GRID2: variants seen among roughly 807,000 people sequenced by gnomAD.
The protein encoded by GRID2 is glutamate receptor ionotropic, delta-2.
GRID2 carries 33 observed loss-of-function variants against 114.8 expected under a neutral mutation model. That is an observed-to-expected ratio of 0.29 (90% CI 0.22 to 0.38). The LOEUF is 0.38. Ranked by LOEUF, GRID2 falls within the 10% of genes least tolerant of loss-of-function variation. The pLI is 1.00. For missense variants in GRID2, 1,184 were observed against 1,257.7 expected (o/e 0.94, Z 0.89); for synonymous variants, 505 against 449.9 (o/e 1.12, Z -1.55).
At chr4:92,475,191 T>TA (rs1722244088) in intron 1 of GRID2, among the ~76,000 whole-genome samples, 2 of 149,692 alleles carry the variant, frequency 1.3e-5, no homozygotes, top group African/African-American at 5.0e-5. Flanking sequence ...CATTTGCCTT[T>TA]TAAAAAAAAA....
At chr4:92,605,940 C>A (rs903967436) in intron 2 of GRID2, among the ~76,000 whole-genome samples, 2 of 146,856 alleles carry the variant, frequency 1.4e-5, no homozygotes, top group Admixed American at 1.4e-4. Context: ...TTTTACTGGA[C>A]CCTTTTTAGA....
At chr4:92,525,112 G>A (rs1724982791) in intron 1 of GRID2, among the ~76,000 whole-genome samples, 1 of 151,970 alleles carries the variant, frequency 6.6e-6, no homozygotes, top group Non-Finnish European at 1.5e-5. Context: ...GTTGCAGAGA[G>A]TGGCTGTGAG....
chr4:92,689,030 C>G (rs956872762), intron 2 of GRID2, among the ~76,000 whole-genome samples: 2 of 152,112 alleles, frequency 1.3e-5, no homozygotes, highest in Non-Finnish European at 2.9e-5. Flanking sequence ...TATAAGAGTT[C>G]TAGGGTGATC....
chr4:93,262,868 A>G (rs915364944), intron 8 of GRID2, among the ~76,000 whole-genome samples: 1 of 151,934 alleles, frequency 6.6e-6, no homozygotes, highest in Non-Finnish European at 1.5e-5. Context: ...GTAGCATTCT[A>G]AAGTATTTAA....
intron 14 of GRID2, among the ~76,000 whole-genome samples, chr4:93,673,293 G>A (rs530347606): frequency 6.6e-6 from 1 of 152,018 alleles, no homozygotes; most frequent in African/African-American, 2.4e-5. Flanking sequence ...TAAAGAAAGT[G>A]GAAAAATCTA....
chr4:92,802,276 A>T (rs1421755693), intron 2 of GRID2, among the ~76,000 whole-genome samples: 1 of 151,898 alleles, frequency 6.6e-6, no homozygotes, highest in Non-Finnish European at 1.5e-5. Context: ...GTTAAAATTG[A>T]TGTACTTACA....
At chr4:93,257,778 C>T (rs1000048429) in intron 8 of GRID2, among the ~76,000 whole-genome samples, 1 of 151,046 alleles carries the variant, frequency 6.6e-6, no homozygotes, top group Admixed American at 6.6e-5. Context: ...TGTGTGAGTG[C>T]CCTACTTGGT....
chr4:93,698,241 C>G (rs570900151), intron 14 of GRID2, among the ~76,000 whole-genome samples: 1 of 151,928 alleles, frequency 6.6e-6, no homozygotes, highest in Non-Finnish European at 1.5e-5. Flanking sequence ...AAATCAGATA[C>G]TTATACTGAC....
intron 2 of GRID2, among the ~76,000 whole-genome samples, chr4:92,844,053 T>C (rs1328007973): frequency 6.6e-6 from 1 of 152,170 alleles, no homozygotes; most frequent in Non-Finnish European, 1.5e-5. Context: ...AAAAACTTTA[T>C]TGATAATCTA....
intron 13 of GRID2, among the ~76,000 whole-genome samples, chr4:93,530,221 T>C (rs1195282928): frequency 6.6e-6 from 1 of 152,174 alleles, no homozygotes; most frequent in Non-Finnish European, 1.5e-5. Context: ...TCCCTCAGCA[T>C]AGCACTGAAA....
At chr4:92,453,343 G>A (rs1579391777) in intron 1 of GRID2, among the ~76,000 whole-genome samples, 2 of 152,096 alleles carry the variant, frequency 1.3e-5, no homozygotes, top group East Asian at 3.9e-4. Context: ...TGTCAGAGGA[G>A]TATTACATCT....
chr4:93,147,371 C>T (rs1579116598), intron 4 of GRID2, among the ~76,000 whole-genome samples: 1 of 152,242 alleles, frequency 6.6e-6, no homozygotes, highest in South Asian at 2.1e-4. Context: ...CTTTGACCTA[C>T]ATGATACTTG....
intron 13 of GRID2, among the ~76,000 whole-genome samples, chr4:93,591,754 G>A (rs1199908244): frequency 6.6e-6 from 1 of 152,204 alleles, no homozygotes. Context: ...GGTGTATTCA[G>A]AGATTCAACT....
intron 4 of GRID2, among the ~76,000 whole-genome samples, chr4:93,188,675 C>T (rs1458483735): frequency 6.6e-6 from 1 of 152,138 alleles, no homozygotes; most frequent in Non-Finnish European, 1.5e-5. Context: ...TTTTCTGCTT[C>T]CATTTTGATT....
chr4:92,385,037 T>C (rs1729876229), intron 1 of GRID2, among the ~76,000 whole-genome samples: 1 of 151,666 alleles, frequency 6.6e-6, no homozygotes, highest in Non-Finnish European at 1.5e-5. Context: ...ATTTGTCTTT[T>C]AAAAATATAA....
chr4:92,822,240 A>T (rs1317442918), intron 2 of GRID2: 2 of 544,848 alleles, frequency 3.7e-6, no homozygotes, highest in Non-Finnish European at 7.3e-6. Context: ...ACCACATAGC[A>T]TATCAAGGTG....
intron 14 of GRID2, among the ~76,000 whole-genome samples, chr4:93,664,189 A>G (rs1723752637): frequency 6.6e-6 from 1 of 152,226 alleles, no homozygotes; most frequent in Admixed American, 6.5e-5. Flanking sequence ...CTCAAGGAAC[A>G]GTAAGCAGGC....
chr4:93,046,290 T>C (rs2149275028), intron 2 of GRID2, among the ~76,000 whole-genome samples: 1 of 152,184 alleles, frequency 6.6e-6, no homozygotes, highest in African/African-American at 2.4e-5. Flanking sequence ...TCTCTGTCGG[T>C]CGTTCTTCAG....
intron 2 of GRID2, among the ~76,000 whole-genome samples, chr4:92,841,511 AGAT>A (rs1742893315): frequency 2.0e-5 from 3 of 151,990 alleles, no homozygotes; most frequent in African/African-American, 7.2e-5. Context: ...TTCCATATTT[AGAT>A]GATGATTAGT....
Sources: allele counts gnomAD v4.1 joint callset (sites outside exome capture counted in the v4.1 genomes callset), GRCh38; gene constraint gnomAD v4.1.1; transcripts MANE v1.5; gene names NCBI Gene and HGNC (gene_info 2026-07-23, HGNC 2026-07-21).